Variants in DAB1 observed in about 807,000 individuals in gnomAD.
DAB1 encodes disabled homolog 1.
DAB1 carries 15 observed loss-of-function variants against 64.6 expected under a neutral mutation model. That is an observed-to-expected ratio of 0.23 (90% CI 0.16 to 0.36). DAB1 has a LOEUF of 0.36. Ranked by LOEUF, DAB1 falls within the 10% of genes least tolerant of loss-of-function variation. The pLI is 1.00. For synonymous variants in DAB1, 235 were observed against 251.9 expected, an observed-to-expected ratio of 0.93 and a Z score of 0.64; for missense variants, 596 against 706.7, an observed-to-expected ratio of 0.84 and a Z score of 1.78.
chr1:58,172,564 A>G (rs1446731531), intron 4 of DAB1, among the ~76,000 whole-genome samples: 1 of 152,232 alleles, frequency 6.6e-6, no homozygotes, highest in Non-Finnish European at 1.5e-5. Flanking sequence ...CTTTTCTCCC[A>G]GAGGATGGGG....
At chr1:58,533,173 C>G (rs12058651) in intron 1 of DAB1, among the ~76,000 whole-genome samples, 1 of 152,006 alleles carries the variant, frequency 6.6e-6, no homozygotes, top group Non-Finnish European at 1.5e-5. Flanking sequence ...GGACTTATAT[C>G]AAGATGAACA....
intron 7 of DAB1, among the ~76,000 whole-genome samples, chr1:57,633,901 T>A (rs78866928): frequency 0.011 from 1,662 of 152,320 alleles, 29 homozygotes; most frequent in African/African-American, 0.038. Flanking sequence ...TTAGGTCATA[T>A]AACGTTTGTC....
chr1:57,385,105 C>T (rs965986929), intron 1 of DAB1, among the ~76,000 whole-genome samples: 1 of 152,202 alleles, frequency 6.6e-6, no homozygotes, highest in Non-Finnish European at 1.5e-5. Context: ...CCAGGATCAA[C>T]AGCAGCAGCA....
At chr1:57,710,585 C>A (rs76726517) in intron 6 of DAB1, among the ~76,000 whole-genome samples, 8,203 of 152,062 alleles carry the variant, frequency 0.054, 313 homozygotes, top group Middle Eastern at 0.14. Context: ...CAAGTTGTTG[C>A]GACTGGAAAT....
intron 5 of DAB1, among the ~76,000 whole-genome samples, chr1:57,910,880 C>A (rs1002618568): frequency 6.6e-6 from 1 of 152,166 alleles, no homozygotes; most frequent in African/African-American, 2.4e-5. Flanking sequence ...GTGTGTAAGT[C>A]ACTTCAACCC....
intron 2 of DAB1, among the ~76,000 whole-genome samples, chr1:57,196,865 C>A (rs1443734728): frequency 6.6e-6 from 1 of 152,192 alleles, no homozygotes. Context: ...CAAGGGACAA[C>A]TATACATGAT....
At chr1:57,144,329 T>A (rs969033929) in intron 3 of DAB1, among the ~76,000 whole-genome samples, 2 of 152,102 alleles carry the variant, frequency 1.3e-5, no homozygotes, top group African/African-American at 4.8e-5. Flanking sequence ...GACATCAGAA[T>A]CTGAGAAAAG....
At chr1:58,037,742 T>C (rs986520460) in intron 5 of DAB1, among the ~76,000 whole-genome samples, 2 of 152,126 alleles carry the variant, frequency 1.3e-5, no homozygotes, top group Admixed American at 1.3e-4. Context: ...GTTACCTCTG[T>C]GGGGCTTTAG....
intron 11 of DAB1, among the ~76,000 whole-genome samples, chr1:57,022,662 A>T (rs932697922): frequency 6.6e-6 from 1 of 152,286 alleles, no homozygotes; most frequent in African/African-American, 2.4e-5. Context: ...TATAGAAAAA[A>T]ATGCAAGAAG....
At chr1:57,888,884 G>C (rs918280392), upstream of DAB1, among the ~76,000 whole-genome samples, 1 of 152,180 alleles carries the variant, frequency 6.6e-6, no homozygotes, top group African/African-American at 2.4e-5. Context: ...GTGGGCAGTG[G>C]TTCTGGGGAC....
intron 7 of DAB1, among the ~76,000 whole-genome samples, chr1:57,474,539 A>T (rs778988027): frequency 5.9e-5 from 9 of 152,246 alleles, no homozygotes; most frequent in Non-Finnish European, 8.8e-5. Context: ...AGTGAGAATT[A>T]ACAAGCTCAG....
intron 4 of DAB1, among the ~76,000 whole-genome samples, chr1:58,292,683 C>A (rs1338669054): frequency 6.6e-6 from 1 of 152,028 alleles, no homozygotes; most frequent in Non-Finnish European, 1.5e-5. Context: ...GTGCTCTCTG[C>A]ATAGACCCCA....
At position 57,407,518 on chromosome 1, in the gene DAB1, C is replaced by T. The variant is rs114137550; in HGVS notation, c.-137+16412G>A. Among the ~76,000 whole-genome samples, 347 of 152,262 alleles carry T rather than the reference C, an allele frequency of 2.3e-3. 1 individual carries two copies. Among genetic ancestry groups the T allele is most frequent in the African/African-American group, 7.9e-3 (329 of 41,532 alleles). The stretch of plus-strand genomic sequence containing the variant: ...AAGGCTGAAGGAGAGAAGAATGACC[C>T]TGTGTGGCATGTCACTGTGTACCAG... On this transcript the variant is annotated intron_variant, in intron 1 of 14. Transcript: ENST00000371236.
chr1:58,056,156 G>A (rs762423998), intron 5 of DAB1: 35 of 1,466,004 alleles, frequency 2.4e-5, no homozygotes, highest in Admixed American at 1.7e-4. Context: ...GGTGGGGGAC[G>A]TGGGGCAGCA....
chr1:57,689,354 G>A (rs1463300147), intron 6 of DAB1, among the ~76,000 whole-genome samples: 1 of 152,184 alleles, frequency 6.6e-6, no homozygotes, highest in Non-Finnish European at 1.5e-5. Context: ...AACAGGTGGA[G>A]ATGGTAGTGA....
chr1:58,132,390 C>T (rs891570296), intron 5 of DAB1, among the ~76,000 whole-genome samples: 1 of 152,170 alleles, frequency 6.6e-6, no homozygotes, highest in Non-Finnish European at 1.5e-5. Flanking sequence ...CCCGGTACCT[C>T]AGATGGAAAT....
intron 4 of DAB1, among the ~76,000 whole-genome samples, chr1:58,335,734 T>A (rs1663099039): frequency 6.6e-6 from 1 of 152,180 alleles, no homozygotes; most frequent in Non-Finnish European, 1.5e-5. Context: ...CGATTCTTGC[T>A]GATACACTGG....
intron 7 of DAB1, among the ~76,000 whole-genome samples, chr1:57,456,417 G>A (rs1226605105): frequency 6.6e-6 from 1 of 152,122 alleles, no homozygotes; most frequent in East Asian, 1.9e-4. Context: ...TGTTGGCTTT[G>A]AGGTTCTGAT....
intron 5 of DAB1, among the ~76,000 whole-genome samples, chr1:58,138,156 G>C (rs917169639): frequency 2.0e-5 from 3 of 152,016 alleles, no homozygotes; most frequent in African/African-American, 7.3e-5. Context: ...TTCATTTAAT[G>C]CTCACAGTAA....
Sources: gnomAD v4.1 joint callset for allele counts (sites outside exome capture counted in the v4.1 genomes callset) on GRCh38, gnomAD v4.1.1 for gene constraint, MANE v1.5 for transcripts, NCBI Gene and HGNC (gene_info 2026-07-23, HGNC 2026-07-21) for gene names.